The following GRM5 variants were observed in gnomAD, a reference collection of about 807,000 sequenced individuals.
GRM5 encodes the protein glutamate metabotropic receptor 5, also known as metabotropic glutamate receptor 5.
Under a neutral mutation model 83.1 loss-of-function variants are expected in GRM5, and 19 were observed. The observed-to-expected ratio is 0.23, with a 90% confidence interval of 0.16 to 0.34. The LOEUF (loss-of-function observed/expected upper bound fraction) is 0.34, where lower values mean the gene tolerates loss of function less well. Among genes scored for constraint, GRM5 ranks in the 10% least tolerant of loss-of-function variants. GRM5 has a pLI of 1.00. For synonymous variants in GRM5, 675 were observed against 633.6 expected, an observed-to-expected ratio of 1.07 and a Z score of -0.98; for missense variants, 1,160 against 1,588.3, an observed-to-expected ratio of 0.73 and a Z score of 4.58.
chr11:88,607,988 A>G (rs138585385), intron 4 of GRM5, among the ~76,000 whole-genome samples: 7 of 152,340 alleles, frequency 4.6e-5, no homozygotes, highest in African/African-American at 1.2e-4. Context: ...ATGTCCTTCA[A>G]TGATTTAGCA....
intron 3 of GRM5, among the ~76,000 whole-genome samples, chr11:88,822,133 C>T (rs998382598): frequency 6.6e-6 from 1 of 152,114 alleles, no homozygotes; most frequent in African/African-American, 2.4e-5. Context: ...GTGCCAGACA[C>T]TGAGAATACA....
chr11:88,810,147 G>C (rs1240014113), intron 3 of GRM5, among the ~76,000 whole-genome samples: 1 of 152,038 alleles, frequency 6.6e-6, no homozygotes, highest in African/African-American at 2.4e-5. Flanking sequence ...GAGAAAGACT[G>C]AAGAGTAAAA....
At chr11:88,979,962 T>C (rs866019985) in intron 2 of GRM5, among the ~76,000 whole-genome samples, 1 of 152,258 alleles carries the variant, frequency 6.6e-6, no homozygotes, top group East Asian at 1.9e-4. Flanking sequence ...AGCTTGGAAA[T>C]CTAAGGCATT....
chr11:88,810,676 T>G (rs1239455214), intron 3 of GRM5, among the ~76,000 whole-genome samples: 3 of 152,156 alleles, frequency 2.0e-5, no homozygotes, highest in Non-Finnish European at 2.9e-5. Flanking sequence ...GCTGTATTTG[T>G]GTCAGTCATT....
At chr11:88,907,395 A>T (rs1945423248) in intron 2 of GRM5, among the ~76,000 whole-genome samples, 1 of 152,166 alleles carries the variant, frequency 6.6e-6, no homozygotes, top group Non-Finnish European at 1.5e-5. Flanking sequence ...AGTGCCACAC[A>T]AGGACATAGA....
At chr11:88,618,220 G>A (rs6483294) in intron 4 of GRM5, among the ~76,000 whole-genome samples, 151,428 of 152,338 alleles carry the variant, frequency 0.99, 75,272 homozygotes, top group East Asian at 1. Context: ...AAAAAAATCA[G>A]TATTCTCCAT....
intron 2 of GRM5, among the ~76,000 whole-genome samples, chr11:88,853,110 G>A (rs1029746413): frequency 1.3e-5 from 2 of 152,052 alleles, no homozygotes; most frequent in Non-Finnish European, 2.9e-5. Context: ...TCCATAGAAC[G>A]TTCTTCTTTA....
chr11:88,863,019 C>T (rs1415236509), intron 2 of GRM5, among the ~76,000 whole-genome samples: 1 of 152,148 alleles, frequency 6.6e-6, no homozygotes, highest in Non-Finnish European at 1.5e-5. Flanking sequence ...AAAAGCTCAA[C>T]ATCACTGATC....
chr11:88,551,913 G>A (rs1942518865), intron 8 of GRM5, among the ~76,000 whole-genome samples: 1 of 152,148 alleles, frequency 6.6e-6, no homozygotes, highest in Admixed American at 6.6e-5. Context: ...AAAGTGACTG[G>A]TAGGAAGATA....
chr11:88,524,861 A>C lies in GRM5; in HGVS notation c.2726+448T>G, dbSNP rs1191775904. Among the ~76,000 whole-genome samples, 9 of 152,320 alleles carry C rather than the reference A, an allele frequency of 5.9e-5. No homozygotes were observed. In the East Asian group the frequency reaches 1.5e-3, roughly 26 times the overall value. On this transcript the variant is annotated intron_variant, in intron 9 of 9. Transcript: ENST00000305447. ...TTCAAAGTAAGGTATATTAATTTCCAGGCTTGTCCAGGATCAGGGGCTGGA... is the reference window on the plus strand; with the variant it reads ...TTCAAAGTAAGGTATATTAATTTCCCGGCTTGTCCAGGATCAGGGGCTGGA...
intron 2 of GRM5, among the ~76,000 whole-genome samples, chr11:89,038,819 G>T (rs1422320886): frequency 6.6e-6 from 1 of 152,150 alleles, no homozygotes; most frequent in Non-Finnish European, 1.5e-5. Flanking sequence ...ATGAGATTTA[G>T]ATTTGTTTCA....
chr11:88,778,286 C>G (rs1436265129), intron 3 of GRM5, among the ~76,000 whole-genome samples: 1 of 152,254 alleles, frequency 6.6e-6, no homozygotes, highest in Non-Finnish European at 1.5e-5. Flanking sequence ...ATCACCTTGT[C>G]TGCCGGTTGT....
chr11:88,606,062 G>C (rs932025944), intron 4 of GRM5, among the ~76,000 whole-genome samples: 4 of 152,204 alleles, frequency 2.6e-5, no homozygotes, highest in Non-Finnish European at 5.9e-5. Flanking sequence ...CAGATGAAGG[G>C]AGAGAAAGAG....
chr11:89,044,282 TTTC>T (rs1408482162), intron 2 of GRM5, among the ~76,000 whole-genome samples: 5 of 152,198 alleles, frequency 3.3e-5, no homozygotes, highest in African/African-American at 4.8e-5. Context: ...TGCTTTCTTT[TTTC>T]TTCTTCTTCT....
intron 3 of GRM5, among the ~76,000 whole-genome samples, chr11:88,769,093 T>C (rs555166786): frequency 6.6e-6 from 1 of 152,126 alleles, no homozygotes; most frequent in Non-Finnish European, 1.5e-5. Context: ...TTGTTTCCCA[T>C]AGGGATATGG....
intron 2 of GRM5, among the ~76,000 whole-genome samples, chr11:88,918,549 T>C (rs1045776628): frequency 6.6e-6 from 1 of 152,022 alleles, no homozygotes; most frequent in Non-Finnish European, 1.5e-5. Flanking sequence ...AGAAATCATT[T>C]GAAAGTACAA....
At chr11:88,963,905 G>A (rs564226317) in intron 2 of GRM5, among the ~76,000 whole-genome samples, 5 of 152,230 alleles carry the variant, frequency 3.3e-5, no homozygotes, top group South Asian at 2.1e-4. Context: ...CTTCCTGTGA[G>A]AGTCTATGCT....
chr11:88,856,755 A>G (rs1944485816), intron 2 of GRM5, among the ~76,000 whole-genome samples: 1 of 152,034 alleles, frequency 6.6e-6, no homozygotes. Flanking sequence ...TTCTGCTATG[A>G]CATGATGATA....
At chr11:88,984,913 T>C (rs746226304) in intron 2 of GRM5, 2 of 622,524 alleles carry the variant, frequency 3.2e-6, no homozygotes, top group African/African-American at 1.9e-5. Flanking sequence ...TTGTTATCAA[T>C]GATATTTTTA....
Sources: gnomAD v4.1 joint callset for allele counts (sites outside exome capture counted in the v4.1 genomes callset) on GRCh38, gnomAD v4.1.1 for gene constraint, MANE v1.5 for transcripts, NCBI Gene and HGNC (gene_info 2026-07-23, HGNC 2026-07-21) for gene names.